The following DDA1 variants were observed in gnomAD, a reference collection of about 807,000 sequenced individuals.
The protein encoded by DDA1 is DET1- and DDB1-associated protein 1.
DDA1 carries 3 observed loss-of-function variants against 18.6 expected under a neutral mutation model. The ratio of observed to expected loss-of-function variants is 0.16; its 90% CI spans 0.07 to 0.42. DDA1 has a LOEUF of 0.42. Among genes scored for constraint, DDA1 ranks in the 10% least tolerant of loss-of-function variants. The probability of loss-of-function intolerance (pLI) is 0.99; values close to 1 mark genes in which losing one functional copy is unlikely to be tolerated. For synonymous variants in DDA1, 52 were observed against 54.0 expected (o/e 0.96, Z 0.17); for missense variants, 105 against 138.2 (o/e 0.76, Z 1.20).
At chr19:17,310,657 G>A (rs2074174775) in intron 1 of DDA1, among the ~76,000 whole-genome samples, 1 of 152,168 alleles carries the variant, frequency 6.6e-6, no homozygotes, top group Middle Eastern at 3.2e-3. Context: ...GATGTGGTGG[G>A]GATGAAAGGA....
intron 4 of DDA1, among the ~76,000 whole-genome samples, chr19:17,316,533 TTG>T (rs2074213833): frequency 6.6e-6 from 1 of 151,106 alleles, no homozygotes; most frequent in African/African-American, 2.4e-5. Context: ...TGAGCCGAGA[TTG>T]CACCACTGCA....
intron 1 of DDA1, among the ~76,000 whole-genome samples, chr19:17,311,144 C>T (rs574696982): frequency 4.0e-5 from 6 of 150,972 alleles, no homozygotes; most frequent in African/African-American, 1.5e-4. Context: ...TGAGGCACTG[C>T]ATGGGGCCTG....
intron 1 of DDA1, among the ~76,000 whole-genome samples, chr19:17,311,984 A>C (rs1466342882): frequency 6.6e-6 from 1 of 151,852 alleles, no homozygotes; most frequent in Non-Finnish European, 1.5e-5. Context: ...GCCTTCATTC[A>C]TTTGTCCAAC....
At chr19:17,315,288 A>G (rs56260502) in intron 3 of DDA1, among the ~76,000 whole-genome samples, 1,382 of 29,528 alleles carry the variant, frequency 0.047, 373 homozygotes, top group Non-Finnish European at 0.07. Context: ...TACACACACT[A>G]TATATATACA....
chr19:17,313,896 T>C, intron 1 of DDA1, 127 bp from the exon 2 acceptor site: 5 of 739,770 alleles, frequency 6.8e-6, no homozygotes, highest in Non-Finnish European at 1.2e-5. Flanking sequence ...AGCTCAAGGG[T>C]GTGTTCTGGA....
intron 1 of DDA1, among the ~76,000 whole-genome samples, chr19:17,311,984 A>G (rs1466342882): frequency 6.6e-6 from 1 of 151,852 alleles, no homozygotes; most frequent in African/African-American, 2.4e-5. Flanking sequence ...GCCTTCATTC[A>G]TTTGTCCAAC....
Position 17,321,880 on chromosome 19 carries a change from G to T in DDA1, c.*2224G>T. 6.5e-6 allele frequency: 1 copy of T among 152,774 alleles called. No homozygotes were observed. The highest frequency in any genetic ancestry group is 1.5e-5 in the Non-Finnish European group (1 of 68,350). The allele number at this position is 152,774 out of a possible 1,614,324, so 9.5% of individuals were successfully genotyped here. A position where few individuals can be genotyped will look rare whatever the true frequency, so the allele number is the denominator to read the frequency against. ...CAGGGGCCATGTGGTCACAGGACAG[G>T]TGGTCAGGAAATGCACACTTGACTG... On this transcript the variant is annotated 3_prime_UTR_variant, in exon 5 of 5. Transcript: ENST00000359866.
At position 17,314,822 on chromosome 19, in the gene DDA1, G is replaced by A. The variant is rs2074195022; in HGVS notation, c.136+433G>A. ...GCTATCGGGCAGAGAGGCAGCAGAG[G>A]GCTACAGGGGCTTGGGCTGGGGATC... On this transcript the variant is annotated intron_variant, in intron 3 of 4. Transcript: ENST00000359866. The surrounding 1 kb of genome is among the most constrained non-coding windows in gnomAD (Gnocchi z 4.6). The A allele has an allele frequency of 5.1e-6, 1 of 194,636 alleles. No homozygotes were observed. The highest frequency in any genetic ancestry group is 2.4e-5 in the African/African-American group (1 of 42,540). 12.1% of individuals were successfully genotyped at this position (194,636 alleles called of 1,614,324 possible).
chr19:17,311,256 C>T (rs993490603), intron 1 of DDA1, among the ~76,000 whole-genome samples: 4 of 151,758 alleles, frequency 2.6e-5, no homozygotes, highest in Admixed American at 1.3e-4. Flanking sequence ...ACCTCCGCCT[C>T]CTGGGTTCAA....
At position 17,320,377 on chromosome 19, in the gene DDA1, G is replaced by C. The variant is rs2074234376; in HGVS notation, c.*721G>C. On this transcript the variant is annotated 3_prime_UTR_variant, in exon 5 of 5. Coordinates refer to ENST00000359866, the MANE Select transcript of DDA1 (RefSeq NM_024050.6). The stretch of plus-strand genomic sequence containing the variant: ...TCCCTGTTGTCACCAAGAGGAGTGA[G>C]AAGGGCCCCCCACGCCAGGGGCCCC... 1 of 152,258 alleles carries C rather than the reference G, an allele frequency of 6.6e-6. No individual in the cohort carries two copies. The allele number at this position is 152,258 out of a possible 1,614,324, so 9.4% of individuals were successfully genotyped here.
At chr19:17,317,319 C>G (rs772695659) in intron 4 of DDA1, among the ~76,000 whole-genome samples, 18 of 152,134 alleles carry the variant, frequency 1.2e-4, no homozygotes, top group Non-Finnish European at 2.5e-4. Flanking sequence ...ACCATCCTGG[C>G]TAACACGGTG....
Position 17,319,596 on chromosome 19 carries a change from C to G in DDA1, c.249C>G (p.Ser83Arg). The G allele has an allele frequency of 6.3e-7, 1 of 1,580,334 alleles. No homozygotes were observed. The highest frequency in any genetic ancestry group is 1.2e-5 in the South Asian group (1 of 86,054). ...AGCAAGTGGAGCTGGAAGGCGAGAG[C>G]TCCGCACCTCCCCGCAAGGTGGCGC... ...DQEQVELEGE[S>R]SAPPRKVART... Residue 83 changes from serine to arginine, a missense_variant, in exon 5 of 5, where the codon AGC becomes AGG. By Grantham distance (110) the Ser-to-Arg change is moderately radical (BLOSUM62 -1). This residue lies in a region of DDA1 where 62 missense variants were observed against 55.8 expected (regional missense o/e 1.11). Coordinates refer to ENST00000359866, the MANE Select transcript of DDA1 (RefSeq NM_024050.6).
intron 4 of DDA1, among the ~76,000 whole-genome samples, chr19:17,316,357 G>A (rs561075532): frequency 2.6e-5 from 4 of 152,038 alleles, no homozygotes; most frequent in East Asian, 1.9e-4. Flanking sequence ...TGAGGCGGGC[G>A]GATCACGAGG....
intron 3 of DDA1, among the ~76,000 whole-genome samples, chr19:17,315,334 CGTA>C (rs2074205504): frequency 4.2e-5 from 2 of 47,582 alleles, no homozygotes; most frequent in Admixed American, 3.3e-4. Context: ...TATATACACA[CGTA>C]TATATATACA....
chr19:17,315,431 T>TGTGTGC (rs35247114), intron 3 of DDA1, among the ~76,000 whole-genome samples: 1,910 of 98,398 alleles, frequency 0.019, 62 homozygotes, highest in South Asian at 0.025. Context: ...TGTGTGTGCA[T>TGTGTGC]ATATATATAT....
In DDA1 at chr19:17,323,248, C is replaced by A; in HGVS notation, c.*3592C>A. The A allele has an allele frequency of 4.3e-6, 1 of 233,332 alleles. No homozygotes were observed. The highest frequency in any genetic ancestry group is 7.7e-5 in the East Asian group (1 of 12,930). The allele number at this position is 233,332 out of a possible 1,614,324, so 14.5% of individuals were successfully genotyped here. On this transcript the variant is annotated 3_prime_UTR_variant, in exon 5 of 5. Coordinates refer to ENST00000359866, the MANE Select transcript of DDA1 (RefSeq NM_024050.6). ...CACTGTTGAAATATAGTTTTTATTG[C>A]ATTTCTGCCGTTTTACAAAAATATG...
Position 17,322,369 on chromosome 19 carries a change from T to C in DDA1, c.*2713T>C. 6.5e-6 allele frequency: 1 copy of C among 153,740 alleles called. No individual in the cohort carries two copies. The highest frequency in any genetic ancestry group is 1.5e-5 in the Non-Finnish European group (1 of 68,962). The allele number at this position is 153,740 out of a possible 1,614,324, so 9.5% of individuals were successfully genotyped here. On this transcript the variant is annotated 3_prime_UTR_variant, in exon 5 of 5. Coordinates refer to ENST00000359866, the MANE Select transcript of DDA1 (RefSeq NM_024050.6). ...TGCCTGTGGGAGGACGCTGGGCCCCTGAGCCGGCCTCTGTCTACCCCTCCT... is the reference window on the plus strand; with the variant it reads ...TGCCTGTGGGAGGACGCTGGGCCCCCGAGCCGGCCTCTGTCTACCCCTCCT...
At chr19:17,310,371 G>A (rs2074173620) in intron 1 of DDA1, 1 of 152,220 alleles carries the variant, frequency 6.6e-6, no homozygotes, top group Non-Finnish European at 1.5e-5. Flanking sequence ...TCATTATGAA[G>A]TGTGGATCGT....
intron 4 of DDA1, among the ~76,000 whole-genome samples, chr19:17,318,523 G>A (rs1352523964): frequency 6.6e-6 from 1 of 152,126 alleles, no homozygotes; most frequent in African/African-American, 2.4e-5. Flanking sequence ...GAGCCACCAT[G>A]CCTGGCCTAA....
Sources: gnomAD v4.1 joint callset for allele counts (sites outside exome capture counted in the v4.1 genomes callset) on GRCh38, gnomAD v4.1.1 for gene constraint, gnomAD v4.1.1 regional missense constraint, Gnocchi (gnomAD v3.1) non-coding constraint, MANE v1.5 for transcripts, NCBI Gene and HGNC (gene_info 2026-07-23, HGNC 2026-07-21) for gene names.